Variants in ACO2 observed in about 807,000 individuals in gnomAD.
The protein encoded by ACO2 is aconitase 2, also known as aconitate hydratase, mitochondrial.
Under a neutral mutation model 84.5 loss-of-function variants are expected in ACO2, and 31 were observed. The observed-to-expected ratio is 0.37, with a 90% CI of 0.28 to 0.50. The LOEUF (loss-of-function observed/expected upper bound fraction) is 0.50. Ranked by LOEUF, ACO2 falls within the 20% of genes least tolerant of loss-of-function variation. The pLI, the probability that ACO2 is intolerant of heterozygous loss-of-function variation, is 0.97. For synonymous variants in ACO2, 414 were observed against 412.7 expected, an observed-to-expected ratio of 1.00 and a Z score of -0.04; for missense variants, 685 against 1,029.3, an observed-to-expected ratio of 0.67 and a Z score of 4.58.
At chr22:41,471,614 G>A (rs1055263699) in intron 1 of ACO2, among the ~76,000 whole-genome samples, 1 of 152,176 alleles carries the variant, frequency 6.6e-6, no homozygotes, top group Admixed American at 6.5e-5. Flanking sequence ...GTACCTGACT[G>A]CAGAGGGCCT....
intron 14 of ACO2, 125 bp from the exon 15 acceptor site, chr22:41,526,137 G>A: frequency 2.6e-6 from 2 of 776,908 alleles, no homozygotes; most frequent in Non-Finnish European, 4.2e-6. Context: ...CTGAAGACTT[G>A]CCTGCCTCTC....
At chr22:41,508,880 G>A (rs1342583923) in intron 3 of ACO2, among the ~76,000 whole-genome samples, 1 of 152,168 alleles carries the variant, frequency 6.6e-6, no homozygotes, top group East Asian at 1.9e-4. Context: ...GCTGCGGCCT[G>A]TGGGCATGTG....
chr22:41,515,694 A>C lies in ACO2; in HGVS notation c.685-73A>C. The C allele has an allele frequency of 6.2e-7, 1 of 1,607,288 alleles. No homozygotes were observed. Among genetic ancestry groups the C allele is most frequent in the Non-Finnish European group, 8.5e-7 (1 of 1,176,004 alleles). ...AATAAGCAGCAATGTGAATGGCAGC[A>C]GGGCCATCCTGACTTCGTGGCTGGC... On this transcript the variant is annotated intron_variant, in intron 5 of 17. Coordinates refer to ENST00000216254, the MANE Select transcript of ACO2 (RefSeq NM_001098.3). This position sits in a 1 kb window ranked among gnomAD's most constrained non-coding sequence, Gnocchi z 5.8.
chr22:41,505,563 C>A (rs866566753), intron 2 of ACO2, among the ~76,000 whole-genome samples: 1 of 152,106 alleles, frequency 6.6e-6, no homozygotes, highest in Admixed American at 6.5e-5. Context: ...GCTGCCTCTT[C>A]GTGGTCCAGC....
chr22:41,520,378 G>C lies in ACO2; in HGVS notation c.1138+102G>C, dbSNP rs986551206. On this transcript the variant is annotated intron_variant, in intron 9 of 17. Coordinates refer to ENST00000216254, the MANE Select transcript of ACO2 (RefSeq NM_001098.3). ...TGCCTACTGTGTGGCACTTTCTAAG[G>C]TGGGCAGTTTCTGAAATGGGTTTAT... is the stretch of plus-strand genomic sequence containing the variant. 21 of 889,524 alleles carry C rather than the reference G, an allele frequency of 2.4e-5. No homozygotes were observed. The African/African-American group carries it at 3.4e-4, about 14-fold the overall frequency. The allele number at this position is 889,524 out of a possible 1,614,324, so 55.1% of individuals were successfully genotyped here.
chr22:41,527,608 AGG>A lies in ACO2; in HGVS notation c.2086+189_2086+190del, dbSNP rs2066629442. On this transcript the variant is annotated intron_variant, in intron 16 of 17. Transcript: ENST00000216254. ...GACGCTCAGCTTCCCGGCTTCCCGC[AGG>A]CCCTGCTTCCAGGCTTGTAGATCTG... is the stretch of plus-strand genomic sequence containing the variant. The A allele has an allele frequency of 6.8e-6, 6 of 887,838 alleles. No homozygotes were observed. The Admixed American group carries it at 8.7e-5, about 13-fold the overall frequency. The allele number at this position is 887,838 out of a possible 1,614,324, so 55.0% of individuals were successfully genotyped here. A position where few individuals can be genotyped will look rare whatever the true frequency, so the allele number is the denominator to read the frequency against.
At chr22:41,478,154 T>C (rs1055239572) in intron 1 of ACO2, among the ~76,000 whole-genome samples, 35 of 152,114 alleles carry the variant, frequency 2.3e-4, no homozygotes, top group African/African-American at 3.1e-4. Flanking sequence ...CAAGGAAACC[T>C]TTTTTTCAAG....
intron 8 of ACO2, among the ~76,000 whole-genome samples, chr22:41,519,593 C>A (rs1258492605): frequency 2.0e-5 from 3 of 152,090 alleles, no homozygotes; most frequent in Non-Finnish European, 4.4e-5. Flanking sequence ...ATCATGAGGT[C>A]AGGAGATTGA....
At chr22:41,523,104 T>G in intron 10 of ACO2, 101 bp from the exon 11 acceptor site, 1 of 1,542,996 alleles carries the variant, frequency 6.5e-7, no homozygotes. Context: ...GTGGCTGCCC[T>G]GGGGTTCCAG....
intron 1 of ACO2, among the ~76,000 whole-genome samples, chr22:41,475,974 C>A (rs9607807): frequency 6.6e-6 from 1 of 151,542 alleles, no homozygotes; most frequent in Non-Finnish European, 1.5e-5. Flanking sequence ...TGGGTAGCTT[C>A]GGGCAAAGTC....
At chr22:41,483,427 C>G (rs1162717016) in intron 1 of ACO2, among the ~76,000 whole-genome samples, 1 of 151,962 alleles carries the variant, frequency 6.6e-6, no homozygotes, top group Admixed American at 6.6e-5. Context: ...GAGGCCAAGG[C>G]GGGCGGATCA....
intron 1 of ACO2, among the ~76,000 whole-genome samples, chr22:41,490,434 A>T (rs1005410404): frequency 2.0e-5 from 3 of 152,168 alleles, no homozygotes; most frequent in African/African-American, 7.2e-5. Context: ...AACCATCACC[A>T]TTATCTTCTT....
intron 2 of ACO2, 69 bp from the exon 3 acceptor site, chr22:41,507,722 A>G: frequency 6.4e-7 from 1 of 1,557,732 alleles, no homozygotes; most frequent in Non-Finnish European, 8.7e-7. Context: ...ATGGACTGAG[A>G]GGGAGAGGCA....
chr22:41,516,562 T>G (rs1202093481), intron 6 of ACO2, among the ~76,000 whole-genome samples: 1 of 152,172 alleles, frequency 6.6e-6, no homozygotes. Context: ...GGGGGCTCAC[T>G]CCTGCCACGG....
intron 2 of ACO2, among the ~76,000 whole-genome samples, chr22:41,506,455 A>G (rs2066394008): frequency 6.6e-6 from 1 of 152,106 alleles, no homozygotes. Flanking sequence ...GTGTTTCACC[A>G]TGTTAGCCAG....
intron 1 of ACO2, among the ~76,000 whole-genome samples, chr22:41,496,178 G>A (rs367717514): frequency 5.3e-5 from 8 of 151,854 alleles, no homozygotes; most frequent in Non-Finnish European, 8.8e-5. Flanking sequence ...ACCAGGTGTG[G>A]TAGTGCACGC....
chr22:41,523,984 G>A, intron 12 of ACO2, 43 bp downstream of exon 12: 1 of 1,577,004 alleles, frequency 6.3e-7, no homozygotes, highest in Non-Finnish European at 8.7e-7. Context: ...TGGCCTCTGG[G>A]GGTCCCTGGC....
chr22:41,500,305 T>A (rs5758375), intron 2 of ACO2, among the ~76,000 whole-genome samples: 17,601 of 146,728 alleles, frequency 0.12, 2,441 homozygotes, highest in East Asian at 0.61. Flanking sequence ...AATTTAATTT[T>A]ATTTTATTTT....
At chr22:41,517,675 G>T in intron 7 of ACO2, 44 bp downstream of exon 7, 1 of 1,526,570 alleles carries the variant, frequency 6.6e-7, no homozygotes, top group Non-Finnish European at 9.1e-7. Context: ...ACAGTCACAT[G>T]CCCGCTCCTC....
Sources: gnomAD v4.1 joint callset for allele counts (sites outside exome capture counted in the v4.1 genomes callset) on GRCh38, gnomAD v4.1.1 for gene constraint, Gnocchi (gnomAD v3.1) non-coding constraint, MANE v1.5 for transcripts, NCBI Gene and HGNC (gene_info 2026-07-23, HGNC 2026-07-21) for gene names.